The following COL11A1 variants were observed in gnomAD, a reference collection of about 807,000 sequenced individuals.
COL11A1 encodes the protein collagen type XI alpha 1 chain, also known as collagen alpha-1(XI) chain.
A neutral mutation model predicts 265.2 loss-of-function variants in COL11A1; 74 were observed. That is an observed-to-expected ratio of 0.28 (90% CI 0.23 to 0.34). COL11A1 has a LOEUF of 0.34. Ranked by LOEUF, COL11A1 falls within the 10% of genes least tolerant of loss-of-function variation. The probability of loss-of-function intolerance (pLI) is 1.00; values close to 1 mark genes in which losing one functional copy is unlikely to be tolerated. For missense variants in COL11A1, 2,165 were observed against 2,263.6 expected (o/e 0.96, Z 0.88); for synonymous variants, 816 against 727.6 (o/e 1.12, Z -1.96).
chr1:102,918,797 C>T (rs1370796544), intron 49 of COL11A1, among the ~76,000 whole-genome samples: 1 of 151,978 alleles, frequency 6.6e-6, no homozygotes, highest in Non-Finnish European at 1.5e-5. Flanking sequence ...TATACATAGG[C>T]TTTAAATTAA....
intron 4 of COL11A1, among the ~76,000 whole-genome samples, chr1:103,040,244 C>A (rs1306580170): frequency 6.6e-6 from 1 of 151,184 alleles, no homozygotes; most frequent in Admixed American, 6.6e-5. Flanking sequence ...AATATTTGAA[C>A]TATGTGTGTA....
At chr1:103,056,876 T>C (rs1670291904) in intron 4 of COL11A1, among the ~76,000 whole-genome samples, 1 of 152,168 alleles carries the variant, frequency 6.6e-6, no homozygotes, top group African/African-American at 2.4e-5. Flanking sequence ...AATATAAAAA[T>C]ACTTTACTGC....
At chr1:102,878,354 A>G (rs1040394711) in intron 66 of COL11A1, among the ~76,000 whole-genome samples, 189 bp from the exon 67 acceptor site, 1 of 150,676 alleles carries the variant, frequency 6.6e-6, no homozygotes, top group Non-Finnish European at 1.5e-5. Flanking sequence ...TGATTAGTAC[A>G]TTTAATACTT....
intron 28 of COL11A1, among the ~76,000 whole-genome samples, chr1:102,991,568 A>G (rs1374520895): frequency 6.6e-6 from 1 of 152,026 alleles, no homozygotes; most frequent in African/African-American, 2.4e-5. Flanking sequence ...CATTTTCTAG[A>G]TCATAGGTTG....
chr1:102,989,523 C>T lies in COL11A1; in HGVS notation c.2389G>A (p.Asp797Asn), dbSNP rs762668220. The change falls in exon 29 of 67, where the codon GAC becomes AAC. Residue 797 changes from aspartate (D) to asparagine (N), a missense_variant. Coordinates refer to ENST00000370096, the MANE Select transcript of COL11A1 (RefSeq NM_001854.4). ...GFKGDMGLKG[D>N]RGEVGQIGPR... ...TACATTTTCTCTATACTTACTCTGT[C>T]ACCTTTTAGACCCATGTCACCTTTG... 3.5e-5 allele frequency: 57 copies of T among 1,608,406 alleles called. No individual in the cohort carries two copies. Among genetic ancestry groups the T allele is most frequent in the Non-Finnish European group, 4.6e-5 (54 of 1,175,796 alleles).
At chr1:103,084,247 C>T (rs1672676259) in intron 1 of COL11A1, among the ~76,000 whole-genome samples, 1 of 152,082 alleles carries the variant, frequency 6.6e-6, no homozygotes, top group South Asian at 2.1e-4. Context: ...CTCTTCACTC[C>T]TTCAACCTCC....
intron 54 of COL11A1, among the ~76,000 whole-genome samples, chr1:102,909,358 C>T (rs1654374937): frequency 6.6e-6 from 1 of 152,116 alleles, no homozygotes; most frequent in Non-Finnish European, 1.5e-5. Flanking sequence ...TGGCATCATG[C>T]TTCCTGTAGA....
Position 103,017,841 on chromosome 1 carries a change from G to A in COL11A1, c.1392C>T (p.Pro464=), listed in dbSNP as rs763969621. ...GPPGLQGPTG[P]PGDPGDRGPP... ...TTACCCTATCGCCAGGGTCACCAGGGGGTCCAGTGGGGCCTTGTAGACCTG... is the reference window on the plus strand; with the variant it reads ...TTACCCTATCGCCAGGGTCACCAGGAGGTCCAGTGGGGCCTTGTAGACCTG... Residue 464 remains proline, a synonymous_variant, in exon 11 of 67, where the codon CCC becomes CCT. Coordinates refer to ENST00000370096, the MANE Select transcript of COL11A1 (RefSeq NM_001854.4). 2.5e-6 allele frequency: 4 copies of A among 1,613,082 alleles called. No individual in the cohort carries two copies. The highest frequency in any genetic ancestry group is 3.4e-6 in the Non-Finnish European group (4 of 1,179,274).
At chr1:102,941,734 C>T (rs1435864479) in intron 42 of COL11A1, among the ~76,000 whole-genome samples, 1 of 152,172 alleles carries the variant, frequency 6.6e-6, no homozygotes, top group Non-Finnish European at 1.5e-5. Flanking sequence ...GCAGGTCTCT[C>T]TACTATAATC....
At chr1:103,046,121 T>C (rs1669242921) in intron 4 of COL11A1, among the ~76,000 whole-genome samples, 1 of 151,692 alleles carries the variant, frequency 6.6e-6, no homozygotes, top group African/African-American at 2.4e-5. Flanking sequence ...TATAATCCTT[T>C]AGGTATACAC....
intron 29 of COL11A1, among the ~76,000 whole-genome samples, chr1:102,989,273 C>T (rs1273323615): frequency 2.0e-5 from 3 of 151,310 alleles, no homozygotes; most frequent in African/African-American, 4.9e-5. Flanking sequence ...TGTGTGTGCA[C>T]GCGTGCATGC....
chr1:102,954,993 T>G (rs1660236107), intron 41 of COL11A1, among the ~76,000 whole-genome samples: 1 of 152,228 alleles, frequency 6.6e-6, no homozygotes, highest in Non-Finnish European at 1.5e-5. Context: ...TAGACTCTGA[T>G]GATCAAAGTC....
At chr1:103,096,762 A>G (rs1466707357) in intron 1 of COL11A1, among the ~76,000 whole-genome samples, 1 of 152,074 alleles carries the variant, frequency 6.6e-6, no homozygotes, top group Admixed American at 6.6e-5. Context: ...AAATAATCAA[A>G]ATAGAGATCA....
chr1:103,057,414 A>C (rs1373595057), intron 4 of COL11A1, among the ~76,000 whole-genome samples: 1 of 152,150 alleles, frequency 6.6e-6, no homozygotes, highest in Non-Finnish European at 1.5e-5. Context: ...TGACATCTTG[A>C]ATGCTTCAAA....
chr1:102,952,493 T>C (rs972544982), intron 41 of COL11A1, among the ~76,000 whole-genome samples: 2 of 152,232 alleles, frequency 1.3e-5, no homozygotes, highest in Non-Finnish European at 2.9e-5. Context: ...ATCTTGCTTG[T>C]GGAAGCTGCA....
At chr1:102,927,093 A>G (rs1325665607) in intron 46 of COL11A1, among the ~76,000 whole-genome samples, 2 of 152,202 alleles carry the variant, frequency 1.3e-5, no homozygotes, top group Non-Finnish European at 2.9e-5. Flanking sequence ...AATTATGCAC[A>G]TAAGATATTT....
chr1:103,008,445 C>T lies in COL11A1; in HGVS notation c.1683+18G>A, dbSNP rs1665825952. Reference sequence around the variant, plus strand: ...AAGAAGCCAGTCAAGAATAAAAAGTCAAATTTTTATTTTTTACCTGAGGAC... The same window carrying T: ...AAGAAGCCAGTCAAGAATAAAAAGTTAAATTTTTATTTTTTACCTGAGGAC... On this transcript the variant is annotated intron_variant, in intron 15 of 66. Transcript: ENST00000370096. 6.2e-7 allele frequency: 1 copy of T among 1,609,772 alleles called. No homozygotes were observed. The highest frequency in any genetic ancestry group is 8.5e-7 in the Non-Finnish European group (1 of 1,176,288).
intron 4 of COL11A1, among the ~76,000 whole-genome samples, chr1:103,033,215 G>A (rs114614141): frequency 0.022 from 3,309 of 151,964 alleles, 45 homozygotes; most frequent in Middle Eastern, 0.051. Flanking sequence ...TGGACATGCC[G>A]CAGTTTATCT....
intron 4 of COL11A1, among the ~76,000 whole-genome samples, chr1:103,034,581 AC>A (rs2102013345): frequency 6.6e-6 from 1 of 152,170 alleles, no homozygotes; most frequent in South Asian, 2.1e-4. Context: ...TGGTAAGACA[AC>A]ATTGTCATAC....
Sources: allele counts gnomAD v4.1 joint callset (sites outside exome capture counted in the v4.1 genomes callset), GRCh38; gene constraint gnomAD v4.1.1; transcripts MANE v1.5; gene names NCBI Gene and HGNC (gene_info 2026-07-23, HGNC 2026-07-21).